The following SYNPO2 variants were observed in gnomAD, a reference collection of about 807,000 sequenced individuals.
SYNPO2 encodes the protein synaptopodin 2, also known as synaptopodin-2.
SYNPO2 carries 56 observed loss-of-function variants against 85.0 expected under a neutral mutation model. That is an observed-to-expected ratio of 0.66 (90% CI 0.53 to 0.82). SYNPO2 has a LOEUF of 0.82. Among genes scored for constraint, SYNPO2 ranks in the 40% least tolerant of loss-of-function variants. The pLI, the probability that SYNPO2 is intolerant of heterozygous loss-of-function variation, is 0.00. For synonymous variants in SYNPO2, 602 were observed against 591.1 expected, an observed-to-expected ratio of 1.02 and a Z score of -0.27; for missense variants, 1,575 against 1,534.2, an observed-to-expected ratio of 1.03 and a Z score of -0.44.
At position 119,031,468 on chromosome 4, in the gene SYNPO2, C is replaced by A; in HGVS notation, c.2693C>A (p.Ala898Asp). The A allele has an allele frequency of 6.2e-7, 1 of 1,614,138 alleles. No homozygotes were observed. The highest frequency in any genetic ancestry group is 8.5e-7 in the Non-Finnish European group (1 of 1,180,016). Residue 898 changes from alanine to aspartate, a missense_variant, in exon 4 of 5, where the codon GCT (alanine) becomes GAT (aspartate). This residue lies in a region of SYNPO2 where 1,508 missense variants were observed against 1,446.8 expected (regional missense o/e 1.04). Coordinates refer to ENST00000307142, the MANE Select transcript of SYNPO2 (RefSeq NM_133477.3). ...TCAGACACGGTGCAGGCCCACGCTGCTCGAGCTCAGTCTCCCACTCCATCT... is the reference window on the plus strand; with the variant it reads ...TCAGACACGGTGCAGGCCCACGCTGATCGAGCTCAGTCTCCCACTCCATCT... ...VDSDTVQAHA[A>D]RAQSPTPSLP...
chr4:119,047,798 C>T (rs955469150), intron 4 of SYNPO2, among the ~76,000 whole-genome samples: 3 of 152,128 alleles, frequency 2.0e-5, no homozygotes, highest in African/African-American at 7.2e-5. Flanking sequence ...AGAAAATTTT[C>T]ACTGAGGGCT....
At chr4:118,902,635 T>C (rs1259224589) in intron 1 of SYNPO2, among the ~76,000 whole-genome samples, 1 of 152,208 alleles carries the variant, frequency 6.6e-6, no homozygotes, top group Non-Finnish European at 1.5e-5. Context: ...CCAAACCATG[T>C]CAAGCACTTA....
chr4:118,896,913 C>T (rs1732566805), intron 1 of SYNPO2, among the ~76,000 whole-genome samples: 1 of 151,934 alleles, frequency 6.6e-6, no homozygotes, highest in Non-Finnish European at 1.5e-5. Context: ...TCACAAATGA[C>T]TAGCTTCTCC....
intron 1 of SYNPO2, among the ~76,000 whole-genome samples, chr4:118,976,066 A>C (rs569909527): frequency 2.6e-5 from 4 of 152,226 alleles, no homozygotes; most frequent in Non-Finnish European, 5.9e-5. Context: ...GATTGACTCT[A>C]GTGACTTTGT....
intron 1 of SYNPO2, among the ~76,000 whole-genome samples, chr4:118,853,940 T>C (rs1266245690): frequency 6.6e-6 from 1 of 152,228 alleles, no homozygotes; most frequent in Non-Finnish European, 1.5e-5. Flanking sequence ...AATAGCCATT[T>C]TGTGACTATC....
intron 1 of SYNPO2, among the ~76,000 whole-genome samples, chr4:118,990,826 C>G (rs545279973): frequency 2.0e-5 from 3 of 152,230 alleles, no homozygotes; most frequent in African/African-American, 7.2e-5. Flanking sequence ...CCAGGCTGGT[C>G]TCTGTTTTCC....
chr4:118,888,913 GACGC>G lies in SYNPO2; in HGVS notation c.-123_-120del, dbSNP rs1732269203. ...TGGGGCAGCGGCTGCAGCAGCGGCG[GACGC>G]TCTGCATTACCCAGTCTTGCGTCCT... On this transcript the variant is annotated 5_prime_UTR_variant, in exon 1 of 5. Transcript: ENST00000307142. 1.1e-6 allele frequency: 1 copy of G among 938,250 alleles called. No homozygotes were observed. Among genetic ancestry groups the G allele is most frequent in the Non-Finnish European group, 1.7e-6 (1 of 604,300 alleles). 58.1% of individuals were successfully genotyped at this position (938,250 alleles called of 1,614,324 possible).
intron 1 of SYNPO2, among the ~76,000 whole-genome samples, chr4:118,890,697 T>TTCTCTCTCTC (rs796242049): frequency 0.066 from 5,362 of 81,640 alleles, 413 homozygotes; most frequent in South Asian, 0.17. Context: ...TCTCATCGGT[T>TTCTCTCTCTC]TCTCTCTCTC....
chr4:119,031,172 G>A lies in SYNPO2; in HGVS notation c.2397G>A (p.Lys799=), dbSNP rs371041061. 105 of 1,613,958 alleles carry A rather than the reference G, an allele frequency of 6.5e-5. No homozygotes were observed. The highest frequency in any genetic ancestry group is 8.8e-5 in the Non-Finnish European group (104 of 1,180,030). ...CCTTCCCCACATCCAACCCATCAAA[G>A]GGCACCGTTGTCTCCTCCATCAAAA... is the stretch of plus-strand genomic sequence containing the variant. The part of the protein sequence containing the change: ...PPAFPTSNPS[K]GTVVSSIKIA... Residue 799 remains lysine, a synonymous_variant, in exon 4 of 5, where the codon AAG becomes AAA. Coordinates refer to ENST00000307142, the MANE Select transcript of SYNPO2 (RefSeq NM_133477.3).
At chr4:119,007,531 T>C (rs1158046850) in intron 1 of SYNPO2, among the ~76,000 whole-genome samples, 1 of 151,948 alleles carries the variant, frequency 6.6e-6, no homozygotes, top group Admixed American at 6.6e-5. Flanking sequence ...CATGATCGTA[T>C]GCTTATATGG....
intron 1 of SYNPO2, among the ~76,000 whole-genome samples, chr4:118,977,236 G>A (rs867246145): frequency 2.2e-4 from 34 of 152,342 alleles, no homozygotes; most frequent in Middle Eastern, 3.4e-3. Flanking sequence ...CGAGCGCAGC[G>A]CCGGTGGGCC....
At chr4:119,046,566 G>T (rs569908667) in intron 4 of SYNPO2, among the ~76,000 whole-genome samples, 1 of 152,302 alleles carries the variant, frequency 6.6e-6, no homozygotes, top group South Asian at 2.1e-4. Context: ...GTCCTGCCAG[G>T]TCTCTGACAC....
At chr4:118,910,389 A>T (rs149914515) in intron 1 of SYNPO2, among the ~76,000 whole-genome samples, 18 of 152,352 alleles carry the variant, frequency 1.2e-4, no homozygotes, top group African/African-American at 3.4e-4. Flanking sequence ...CTATACTCAT[A>T]TCTGAAGGAG....
At chr4:119,042,197 A>C (rs9784533) in intron 4 of SYNPO2, 1 of 151,988 alleles carries the variant, frequency 6.6e-6, no homozygotes, top group Non-Finnish European at 1.5e-5. Flanking sequence ...GCCATTCTAA[A>C]GCTCGTTGCA....
At chr4:118,973,346 A>T (rs1735606215) in intron 1 of SYNPO2, among the ~76,000 whole-genome samples, 1 of 152,060 alleles carries the variant, frequency 6.6e-6, no homozygotes. Context: ...TGATTCTAGT[A>T]AGGCACACAC....
chr4:118,934,063 C>A (rs2149134505), intron 1 of SYNPO2, among the ~76,000 whole-genome samples: 1 of 152,210 alleles, frequency 6.6e-6, no homozygotes, highest in South Asian at 2.1e-4. Flanking sequence ...TTAGCGAGAT[C>A]TCTTGATTGC....
At chr4:118,930,534 G>A (rs1189033895) in intron 1 of SYNPO2, among the ~76,000 whole-genome samples, 2 of 152,098 alleles carry the variant, frequency 1.3e-5, no homozygotes, top group Non-Finnish European at 2.9e-5. Flanking sequence ...AAAGGGCCTA[G>A]GGCAGTGCCT....
At chr4:118,984,939 T>C (rs890219386) in intron 1 of SYNPO2, among the ~76,000 whole-genome samples, 2 of 152,216 alleles carry the variant, frequency 1.3e-5, no homozygotes, top group Non-Finnish European at 2.9e-5. Context: ...TGGCATCTTT[T>C]TGTCATTTAC....
chr4:118,982,599 T>C (rs1214588856), intron 1 of SYNPO2, among the ~76,000 whole-genome samples: 1 of 152,230 alleles, frequency 6.6e-6, no homozygotes, highest in African/African-American at 2.4e-5. Context: ...GTTCCGCTCA[T>C]CTCTGATCCT....
Sources: gnomAD v4.1 joint callset for allele counts (sites outside exome capture counted in the v4.1 genomes callset) on GRCh38, gnomAD v4.1.1 for gene constraint, gnomAD v4.1.1 regional missense constraint, MANE v1.5 for transcripts, NCBI Gene and HGNC (gene_info 2026-07-23, HGNC 2026-07-21) for gene names.